Variants in ARHGAP24 observed in about 807,000 individuals in gnomAD.
The protein encoded by ARHGAP24 is rho GTPase-activating protein 24.
ARHGAP24 carries 50 observed loss-of-function variants against 76.4 expected under a neutral mutation model. The ratio of observed to expected loss-of-function variants is 0.65; its 90% confidence interval spans 0.52 to 0.83. The LOEUF (loss-of-function observed/expected upper bound fraction) is 0.83. Ranked by LOEUF, ARHGAP24 falls within the 40% of genes least tolerant of loss-of-function variation. The probability of loss-of-function intolerance (pLI) is 0.00; values close to 1 mark genes in which losing one functional copy is unlikely to be tolerated. For synonymous variants in ARHGAP24, 345 were observed against 323.3 expected (o/e 1.07, Z -0.72); for missense variants, 930 against 914.2 (o/e 1.02, Z -0.22).
intron 3 of ARHGAP24, among the ~76,000 whole-genome samples, chr4:85,783,190 CCTTTT>C (rs961766835): frequency 6.6e-6 from 1 of 152,086 alleles, no homozygotes; most frequent in African/African-American, 2.4e-5. Context: ...TAACCCCCCT[CCTTTT>C]CTTTTTTGGT....
rs58623551 is a variant in ARHGAP24, at chr4:85,669,350, G to A, written c.181-52535G>A. Among the ~76,000 whole-genome samples the A allele has an allele frequency of 7.7e-4, 117 of 152,014 alleles. No homozygotes were observed. In the East Asian group the frequency reaches 0.021, roughly 27 times the overall value. On this transcript the variant is annotated intron_variant, in intron 2 of 9. Transcript: ENST00000395184. ...AGGGTCATACTTTCAACACACTGTG[G>A]CAGTGTGTTGTAGCAGCAGCTCAAT...
intron 2 of ARHGAP24, among the ~76,000 whole-genome samples, chr4:85,621,109 ATTCT>A (rs1412221077): frequency 6.6e-6 from 1 of 152,084 alleles, no homozygotes; most frequent in Non-Finnish European, 1.5e-5. Context: ...ACCTGATTTC[ATTCT>A]TTTTTTGTGG....
At chr4:85,514,817 TAAAAAA>T (rs773699457) in intron 1 of ARHGAP24, among the ~76,000 whole-genome samples, 5 of 82,494 alleles carry the variant, frequency 6.1e-5, no homozygotes, top group African/African-American at 2.3e-4. Context: ...CTCTAAATTG[TAAAAAA>T]AAAAAAAAAA....
intron 1 of ARHGAP24, among the ~76,000 whole-genome samples, chr4:85,503,382 C>T (rs969463856): frequency 2.0e-5 from 3 of 152,122 alleles, no homozygotes; most frequent in African/African-American, 7.2e-5. Flanking sequence ...TAATTATTGC[C>T]TCAATTTCAG....
chr4:85,875,086 T>C (rs1230549286), intron 3 of ARHGAP24, among the ~76,000 whole-genome samples: 1 of 63,746 alleles, frequency 1.6e-5, no homozygotes, highest in African/African-American at 6.4e-5. Flanking sequence ...TTATATATAA[T>C]ATATTTATCT....
At chr4:85,981,515 T>C (rs566378115) in intron 8 of ARHGAP24, among the ~76,000 whole-genome samples, 1 of 152,184 alleles carries the variant, frequency 6.6e-6, no homozygotes, top group Non-Finnish European at 1.5e-5. Flanking sequence ...TTGTCACAAC[T>C]CCATGTGTGT....
intron 2 of ARHGAP24, among the ~76,000 whole-genome samples, chr4:85,687,106 G>GATA (rs1244953409): frequency 7.2e-5 from 11 of 152,082 alleles, no homozygotes; most frequent in African/African-American, 2.7e-4. Context: ...TGGTGATGAT[G>GATA]ATGATGATGA....
At chr4:85,747,619 C>A (rs1362766187) in intron 3 of ARHGAP24, among the ~76,000 whole-genome samples, 1 of 152,080 alleles carries the variant, frequency 6.6e-6, no homozygotes, top group Non-Finnish European at 1.5e-5. Context: ...AGGAGAATGG[C>A]GTGAACCCGG....
intron 3 of ARHGAP24, among the ~76,000 whole-genome samples, chr4:85,844,929 G>A (rs1366372810): frequency 1.3e-5 from 2 of 152,148 alleles, no homozygotes; most frequent in East Asian, 1.9e-4. Flanking sequence ...GGAACCAATA[G>A]CCAGTTATCT....
At chr4:85,838,426 T>A (rs746865954) in intron 3 of ARHGAP24, among the ~76,000 whole-genome samples, 26 of 152,040 alleles carry the variant, frequency 1.7e-4, no homozygotes, top group Admixed American at 3.3e-4. Context: ...TGAAACCCCA[T>A]CTCTACTAAA....
intron 3 of ARHGAP24, among the ~76,000 whole-genome samples, chr4:85,749,779 C>T (rs1196358432): frequency 6.6e-6 from 1 of 152,176 alleles, no homozygotes; most frequent in Non-Finnish European, 1.5e-5. Context: ...GTTGGTCAGG[C>T]TGGTCTTGAA....
intron 2 of ARHGAP24, among the ~76,000 whole-genome samples, chr4:85,611,758 C>A (rs4693716): frequency 0.27 from 40,317 of 152,080 alleles, 7,466 homozygotes; most frequent in East Asian, 0.84. Context: ...TGGCAAATGT[C>A]TGATGAAAAT....
intron 2 of ARHGAP24, among the ~76,000 whole-genome samples, chr4:85,586,888 A>G (rs1316424471): frequency 6.6e-6 from 1 of 152,020 alleles, no homozygotes; most frequent in Admixed American, 6.6e-5. Context: ...ACAGAGCAAG[A>G]CTCCCTCTCA....
At chr4:85,629,824 CTT>C (rs1455202353) in intron 2 of ARHGAP24, among the ~76,000 whole-genome samples, 2 of 151,922 alleles carry the variant, frequency 1.3e-5, no homozygotes, top group Non-Finnish European at 2.9e-5. Flanking sequence ...GTGAAGATCT[CTT>C]TATATTTAAT....
At chr4:85,888,219 G>A (rs377484944) in intron 3 of ARHGAP24, among the ~76,000 whole-genome samples, 24 of 152,072 alleles carry the variant, frequency 1.6e-4, no homozygotes, top group African/African-American at 5.3e-4. Context: ...TGGGCAACAT[G>A]GTGAAACCCC....
intron 2 of ARHGAP24, among the ~76,000 whole-genome samples, chr4:85,613,125 T>C (rs1187851152): frequency 1.3e-5 from 2 of 152,142 alleles, no homozygotes; most frequent in Non-Finnish European, 2.9e-5. Context: ...TACAGTTTAC[T>C]ATCCTGAAGT....
intron 5 of ARHGAP24, among the ~76,000 whole-genome samples, chr4:85,963,953 A>G (rs1006934822): frequency 6.6e-6 from 1 of 151,976 alleles, no homozygotes; most frequent in African/African-American, 2.4e-5. Flanking sequence ...CACAACGTGC[A>G]GGTTAGTTAG....
At chr4:85,955,224 C>G (rs563743465) in intron 5 of ARHGAP24, among the ~76,000 whole-genome samples, 16 of 151,906 alleles carry the variant, frequency 1.1e-4, no homozygotes, top group African/African-American at 3.4e-4. Context: ...ATGCTCCCCC[C>G]GCCTACCCCC....
intron 3 of ARHGAP24, among the ~76,000 whole-genome samples, chr4:85,823,742 A>G (rs987413899): frequency 3.3e-5 from 5 of 152,150 alleles, no homozygotes; most frequent in Admixed American, 3.3e-4. Flanking sequence ...TGTACATCTT[A>G]AAGCTTTAAG....
Sources: allele counts gnomAD v4.1 joint callset (sites outside exome capture counted in the v4.1 genomes callset), GRCh38; gene constraint gnomAD v4.1.1; transcripts MANE v1.5; gene names NCBI Gene and HGNC (gene_info 2026-07-23, HGNC 2026-07-21).